The following SYNE1 variants were observed in gnomAD, a reference collection of about 807,000 sequenced individuals.
SYNE1 encodes the protein spectrin repeat containing nuclear envelope protein 1, also known as nesprin-1.
A neutral mutation model predicts 1,111.0 loss-of-function variants in SYNE1; 616 were observed. The observed-to-expected ratio is 0.55, with a 90% CI of 0.52 to 0.59. SYNE1 has a LOEUF of 0.59. SYNE1 is among the 20% of genes least tolerant of loss of function. SYNE1 has a pLI of 0.00. For missense variants in SYNE1, 10,006 were observed against 10,417.0 expected (o/e 0.96, Z 1.72); for synonymous variants, 3,855 against 3,825.8 (o/e 1.01, Z -0.28).
chr6:152,255,205 A>G (rs531927185), intron 103 of SYNE1, 116 bp from the exon 104 acceptor site: 7 of 901,106 alleles, frequency 7.8e-6, no homozygotes, highest in Non-Finnish European at 1.2e-5. Flanking sequence ...TAATAATCAG[A>G]CCTAAGACAA....
intron 45 of SYNE1, among the ~76,000 whole-genome samples, chr6:152,406,461 T>C (rs887057415): frequency 6.8e-6 from 1 of 146,302 alleles, no homozygotes; most frequent in African/African-American, 2.6e-5. Context: ...TAAAGAGCCC[T>C]AAATAAGCAT....
At chr6:152,628,798 T>C (rs1167783608) in intron 2 of SYNE1, among the ~76,000 whole-genome samples, 2 of 152,158 alleles carry the variant, frequency 1.3e-5, no homozygotes, top group Non-Finnish European at 2.9e-5. Flanking sequence ...AAAGAAGAAA[T>C]GTTCACTTTC....
At chr6:152,412,305 T>C (rs1458718339) in intron 42 of SYNE1, among the ~76,000 whole-genome samples, 10 of 151,722 alleles carry the variant, frequency 6.6e-5, no homozygotes, top group African/African-American at 1.9e-4. Context: ...GCACCTGCTA[T>C]CCCAGCTACT....
intron 20 of SYNE1, 134 bp from the exon 21 acceptor site, chr6:152,461,874 C>A: frequency 8.9e-7 from 1 of 1,120,106 alleles, no homozygotes. Flanking sequence ...TTCGACGATT[C>A]CAGTTTTTGC....
chr6:152,476,375 C>T lies in SYNE1; in HGVS notation c.1351-3962G>A, dbSNP rs558188407. On this transcript the variant is annotated intron_variant, in intron 14 of 145. Transcript: ENST00000367255. ...GTCATTTATGACTCTTCTTCTTTCA[C>T]GGTATGTATCTAATGCTGAAAATTG... is the stretch of plus-strand genomic sequence containing the variant. Among the ~76,000 whole-genome samples, 47 of 152,244 alleles carry T rather than the reference C, an allele frequency of 3.1e-4. 1 individual carries two copies. Among genetic ancestry groups the T allele is most frequent in the Admixed American group, 1.9e-3 (29 of 15,288 alleles).
chr6:152,339,758 G>A (rs1029213426), intron 74 of SYNE1, among the ~76,000 whole-genome samples: 5 of 152,248 alleles, frequency 3.3e-5, no homozygotes, highest in Admixed American at 1.3e-4. Flanking sequence ...GCAAAGGTCC[G>A]TGAGTTGGTA....
chr6:152,128,482 A>G (rs929966593), intron 145 of SYNE1: 1 of 152,228 alleles, frequency 6.6e-6, no homozygotes, highest in Non-Finnish European at 1.5e-5. Flanking sequence ...TAGGTTTAAA[A>G]TACTGTATGA....
At chr6:152,202,771 G>A (rs556496864) in intron 126 of SYNE1, among the ~76,000 whole-genome samples, 3 of 151,550 alleles carry the variant, frequency 2.0e-5, no homozygotes, top group African/African-American at 4.8e-5. Context: ...TACTATAAGG[G>A]ATTTAAAAAA....
intron 3 of SYNE1, among the ~76,000 whole-genome samples, chr6:152,562,611 C>A (rs1386587244): frequency 2.0e-5 from 3 of 152,132 alleles, no homozygotes; most frequent in Admixed American, 2.0e-4. Context: ...ATGCCCTGCA[C>A]ACTATTCACA....
At chr6:152,619,050 A>T (rs398048352) in intron 3 of SYNE1, among the ~76,000 whole-genome samples, 31,532 of 151,728 alleles carry the variant, frequency 0.21, 3,735 homozygotes, top group African/African-American at 0.32. Flanking sequence ...TGAGAATCAC[A>T]CACACACACA....
At chr6:152,446,763 G>A (rs914506803) in intron 29 of SYNE1, among the ~76,000 whole-genome samples, 10 of 152,160 alleles carry the variant, frequency 6.6e-5, no homozygotes, top group Non-Finnish European at 1.3e-4. Flanking sequence ...TTTGCTGATG[G>A]TGGAAGTGGC....
intron 3 of SYNE1, among the ~76,000 whole-genome samples, chr6:152,604,003 T>C (rs2099604259): frequency 6.7e-6 from 1 of 149,256 alleles, no homozygotes; most frequent in Admixed American, 6.7e-5. Flanking sequence ...TCTGTATATA[T>C]ACATATGTAT....
intron 60 of SYNE1, 78 bp downstream of exon 60, chr6:152,369,393 T>C: frequency 6.2e-7 from 1 of 1,602,160 alleles, no homozygotes; most frequent in Admixed American, 1.7e-5. Context: ...TCAAGGGTGC[T>C]GAGCATGCAT....
chr6:152,510,978 G>T, intron 7 of SYNE1, 33 bp downstream of exon 7: 1 of 1,574,056 alleles, frequency 6.4e-7, no homozygotes, highest in Non-Finnish European at 8.7e-7. Flanking sequence ...CTGAGACATT[G>T]CATCAACTGA....
chr6:152,483,930 A>G (rs2098924478), intron 13 of SYNE1, among the ~76,000 whole-genome samples: 1 of 150,414 alleles, frequency 6.6e-6, no homozygotes, highest in South Asian at 2.1e-4. Flanking sequence ...GGCTGGGTGC[A>G]GTGGCTCACT....
intron 53 of SYNE1, 57 bp downstream of exon 53, chr6:152,390,223 T>C: frequency 6.3e-7 from 1 of 1,596,264 alleles, no homozygotes; most frequent in Non-Finnish European, 8.6e-7. Context: ...TACTGCTCCA[T>C]CATTTTACTA....
At chr6:152,438,288 TA>T (rs1299879316) in intron 32 of SYNE1, among the ~76,000 whole-genome samples, 9 of 152,216 alleles carry the variant, frequency 5.9e-5, no homozygotes, top group East Asian at 5.8e-4. Context: ...TAAAGTGTTT[TA>T]TTTTTTTCTG....
chr6:152,370,841 T>C (rs2097167546), intron 59 of SYNE1, among the ~76,000 whole-genome samples: 1 of 152,186 alleles, frequency 6.6e-6, no homozygotes, highest in Admixed American at 6.5e-5. Context: ...GTCTGGGTCG[T>C]CTACAATATG....
intron 9 of SYNE1, 54 bp downstream of exon 9, chr6:152,505,147 A>C: frequency 6.3e-7 from 1 of 1,587,862 alleles, no homozygotes; most frequent in Non-Finnish European, 8.6e-7. Context: ...TGGGTTTAAG[A>C]CATAAAAACC....
Sources: allele counts gnomAD v4.1 joint callset (sites outside exome capture counted in the v4.1 genomes callset), GRCh38; gene constraint gnomAD v4.1.1; transcripts MANE v1.5; gene names NCBI Gene and HGNC (gene_info 2026-07-23, HGNC 2026-07-21).